The following GFAP variants were observed in gnomAD, a reference collection of about 807,000 sequenced individuals.
GFAP encodes intermediate filament protein.
Under a neutral mutation model 49.3 loss-of-function variants are expected in GFAP, and 38 were observed. That is an observed-to-expected ratio of 0.77 (90% CI 0.60 to 1.01). The LOEUF (loss-of-function observed/expected upper bound fraction) is 1.01. GFAP is among the 50% of genes least tolerant of loss of function. GFAP has a pLI of 0.00. For missense variants in GFAP, 463 were observed against 579.1 expected, an observed-to-expected ratio of 0.80 and a Z score of 2.06; for synonymous variants, 222 against 236.4, an observed-to-expected ratio of 0.94 and a Z score of 0.56.
In GFAP at chr17:44,913,296, A is replaced by T; in HGVS notation, c.753T>A (p.His251Gln). Residue 251 changes from histidine (H) to glutamine (Q), a missense_variant, in exon 4 of 9, where the codon CAT becomes CAA. Around this residue, in one of 3 missense-constraint regions of GFAP, gnomAD observed 362 missense variants for 445.5 expected, o/e 0.81. Transcript: ENST00000588735. ...TGGAGCGGTACCACTCTTCGGCTTC[A>T]TGCATGTTGCTGGACGCCATTGCCT... is the stretch of plus-strand genomic sequence containing the variant. ...QYEAMASSNMHEAEEWYRSKF... is the reference protein window; with the variant it reads ...QYEAMASSNMQEAEEWYRSKF... 6.2e-7 allele frequency: 1 copy of T among 1,614,196 alleles called. No homozygotes were observed. The highest frequency in any genetic ancestry group is 8.5e-7 in the Non-Finnish European group (1 of 1,180,024).
rs764267260 is a variant in GFAP, at chr17:44,904,848, G to C, written c.*2499C>G. ...ATCCGCTTCACCCAGCTGGATGACC[G>C]GGGCATCTACTATTGCTGGAGGCAG... On this transcript the variant is annotated 3_prime_UTR_variant, in exon 9 of 9. Transcript: ENST00000588735. 67 of 1,550,622 alleles carry C rather than the reference G, an allele frequency of 4.3e-5. 1 individual carries two copies. The South Asian group carries it at 7.9e-4, about 18-fold the overall frequency.
At chr17:44,913,225 A>T (rs773660530) in intron 4 of GFAP, 44 bp downstream of exon 4, 7 of 1,588,454 alleles carry the variant, frequency 4.4e-6, no homozygotes, top group Non-Finnish European at 6.0e-6. Context: ...ACAGAGCAAG[A>T]AGGGCTGCCT....
In GFAP at chr17:44,904,810, C is replaced by A. The variant is rs1327267257; in HGVS notation, c.*2537G>T. 1.3e-6 allele frequency: 2 copies of A among 1,550,572 alleles called. No individual in the cohort carries two copies. The highest frequency in any genetic ancestry group is 1.7e-6 in the Non-Finnish European group (2 of 1,147,004). ...CCATGAGGGTGTTCATTGACCACGG[C>A]AACCAGCTCCACATCCGCTTCACCC... On this transcript the variant is annotated 3_prime_UTR_variant, in exon 9 of 9. Transcript: ENST00000588735.
Position 44,904,237 on chromosome 17 carries a change from C to T in GFAP, c.*3110G>A, listed in dbSNP as rs910951664. 26 of 1,550,562 alleles carry T rather than the reference C, an allele frequency of 1.7e-5. No homozygotes were observed. In the Admixed American group the frequency reaches 2.2e-4, roughly 13 times the overall value. ...GCAAGGGGGACTACTTTTACGCCTA[C>T]GATGTGGACATCCAGAACAGTGAGG... On this transcript the variant is annotated 3_prime_UTR_variant, in exon 9 of 9. Coordinates refer to ENST00000588735, the MANE Select transcript of GFAP (RefSeq NM_002055.5).
At position 44,915,420 on chromosome 17, in the gene GFAP, C is replaced by G; in HGVS notation, c.67G>C (p.Gly23Arg). ...SYVSSGEMMVGGLAPGRRLGP... is the reference protein window; with the variant it reads ...SYVSSGEMMVRGLAPGRRLGP... ...AGACGGCGGCCAGGAGCCAGGCCCC[C>G]CACCATCATCTCCCCTGAGGAGACG... The change falls in exon 1 of 9, where the codon GGG becomes CGG. Residue 23 changes from glycine to arginine, a missense_variant. By Grantham distance (125) the Gly-to-Arg change is moderately radical (BLOSUM62 -2). Around this residue, in one of 3 missense-constraint regions of GFAP, gnomAD observed 89 missense variants for 87.5 expected, o/e 1.02. Transcript: ENST00000588735. The surrounding 1 kb of genome is among the most constrained non-coding windows in gnomAD (Gnocchi z 4.1). 1 of 1,608,278 alleles carries G rather than the reference C, an allele frequency of 6.2e-7. No homozygotes were observed. Among genetic ancestry groups the G allele is most frequent in the Non-Finnish European group, 8.5e-7 (1 of 1,176,972 alleles).
At position 44,915,410 on chromosome 17, in the gene GFAP, G is replaced by A. The variant is rs139837765; in HGVS notation, c.77C>T (p.Ala26Val). Reference protein sequence around the residue: ...SSGEMMVGGLAPGRRLGPGTR... With the variant: ...SSGEMMVGGLVPGRRLGPGTR... ...GCCAGGACCCAGACGGCGGCCAGGA[G>A]CCAGGCCCCCCACCATCATCTCCCC... The change falls in exon 1 of 9, where the codon GCT (alanine) becomes GTT (valine). Residue 26 changes from alanine to valine, a missense_variant. Physicochemically the swap from Ala to Val is moderately conservative, Grantham distance 64. Around this residue, in one of 3 missense-constraint regions of GFAP, gnomAD observed 89 missense variants for 87.5 expected, o/e 1.02. Coordinates refer to ENST00000588735, the MANE Select transcript of GFAP (RefSeq NM_002055.5). This position sits in a 1 kb window ranked among gnomAD's most constrained non-coding sequence, Gnocchi z 4.1. 5.5e-5 allele frequency: 89 copies of A among 1,607,308 alleles called. No individual in the cohort carries two copies. The Middle Eastern group carries it at 1.5e-3, about 28-fold the overall frequency.
At position 44,903,521 on chromosome 17, in the gene GFAP, C is replaced by G. The variant is rs1232057496; in HGVS notation, c.*3826G>C. 1 of 1,285,782 alleles carries G rather than the reference C, an allele frequency of 7.8e-7. No homozygotes were observed. Among genetic ancestry groups the G allele is most frequent in the East Asian group, 2.9e-5 (1 of 33,978 alleles). The allele number at this position is 1,285,782 out of a possible 1,614,324, so 79.6% of individuals were successfully genotyped here. ...GCACCTCGGCCCGCCCTTCTCATTC[C>G]GGTTTCCTTTGACCCATTCTTGGGT... On this transcript the variant is annotated 3_prime_UTR_variant, in exon 9 of 9. Coordinates refer to ENST00000588735, the MANE Select transcript of GFAP (RefSeq NM_002055.5).
In GFAP at chr17:44,905,894, G is replaced by T. The variant is rs2051645894; in HGVS notation, c.*1453C>A. On this transcript the variant is annotated 3_prime_UTR_variant, in exon 9 of 9. Transcript: ENST00000588735. ...GTCAAAGCAGAGTGGGTGCACTGGGGTGGACGTGTCAGCCCTGAGCACCCG... is the reference window on the plus strand; with the variant it reads ...GTCAAAGCAGAGTGGGTGCACTGGGTTGGACGTGTCAGCCCTGAGCACCCG... 1 of 152,336 alleles carries T rather than the reference G, an allele frequency of 6.6e-6. No individual in the cohort carries two copies. 9.4% of individuals were successfully genotyped at this position (152,336 alleles called of 1,614,324 possible).
chr17:44,908,191 G>C, intron 7 of GFAP, 42 bp from the exon 8 acceptor site: 1 of 1,370,384 alleles, frequency 7.3e-7, no homozygotes, highest in Non-Finnish European at 1.0e-6. Context: ...GACTTTCAGG[G>C]CATGAGCCAT....
chr17:44,906,313 C>T lies in GFAP; in HGVS notation c.*1034G>A, dbSNP rs2051651708. 6.6e-6 allele frequency: 1 copy of T among 152,378 alleles called. No individual in the cohort carries two copies. Among genetic ancestry groups the T allele is most frequent in the Admixed American group, 6.5e-5 (1 of 15,292 alleles). 9.4% of individuals were successfully genotyped at this position (152,378 alleles called of 1,614,324 possible). ...CCCACAATCCAGAGGCCAAGTGCAA[C>T]TGGTCACCCACAACCCCTACTTGTA... On this transcript the variant is annotated 3_prime_UTR_variant, in exon 9 of 9. Transcript: ENST00000588735.
chr17:44,911,388 C>T lies in GFAP; in HGVS notation c.975G>A (p.Gln325=). The T allele has an allele frequency of 1.9e-6, 3 of 1,614,032 alleles. No homozygotes were observed. Among genetic ancestry groups the T allele is most frequent in the East Asian group, 2.2e-5 (1 of 44,882 alleles). The change falls in exon 6 of 9, where the codon CAG becomes CAA. Residue 325 remains glutamine (Q), a synonymous_variant. Coordinates refer to ENST00000588735, the MANE Select transcript of GFAP (RefSeq NM_002055.5). ...ERHVREAASY[Q]EALARLEEEG... ...CTTCCTCCAGCCGCGCCAGCGCCTC[C>T]TGATAACTGGCCGCCTCCCGCACGT...
At chr17:44,911,550 CG>C in intron 5 of GFAP, 94 bp from the exon 6 acceptor site, 1 of 1,561,102 alleles carries the variant, frequency 6.4e-7, no homozygotes. Flanking sequence ...GCCTCTAGCC[CG>C]GGGGTAACGT....
chr17:44,909,015 T>A (rs978541712), intron 7 of GFAP: 1 of 151,456 alleles, frequency 6.6e-6, no homozygotes, highest in African/African-American at 2.4e-5. Context: ...GCACGAGAAT[T>A]GCTTGAACCT....
At position 44,904,445 on chromosome 17, in the gene GFAP, A is replaced by G; in HGVS notation, c.*2902T>C. On this transcript the variant is annotated 3_prime_UTR_variant, in exon 9 of 9. Coordinates refer to ENST00000588735, the MANE Select transcript of GFAP (RefSeq NM_002055.5). ...CCCAGACCTCTCCCCACGCTACCTC[A>G]AGGCCGTGCCCGATGTGGTGTCTTG... is the stretch of plus-strand genomic sequence containing the variant. 3 of 1,542,718 alleles carry G rather than the reference A, an allele frequency of 1.9e-6. No homozygotes were observed. Among genetic ancestry groups the G allele is most frequent in the Middle Eastern group, 1.7e-4 (1 of 5,964 alleles).
chr17:44,913,774 T>C lies in GFAP; in HGVS notation c.572A>G (p.Glu191Gly). The stretch of plus-strand genomic sequence containing the variant: ...GAACCGGATCTCCTCCTCCAGCGAC[T>C]CAATCTTCCTCTCCAGATCCAGACG... ...LARLDLERKI[E>G]SLEEEIRFLR... Residue 191 changes from glutamate (E) to glycine (G), a missense_variant, in exon 3 of 9, where the codon GAG becomes GGG. Physicochemically the swap from Glu to Gly is moderately conservative, Grantham distance 98 (BLOSUM62 -2). Around this residue, in one of 3 missense-constraint regions of GFAP, gnomAD observed 362 missense variants for 445.5 expected, o/e 0.81. Coordinates refer to ENST00000588735, the MANE Select transcript of GFAP (RefSeq NM_002055.5). The C allele has an allele frequency of 6.2e-7, 1 of 1,614,140 alleles. No homozygotes were observed. Among genetic ancestry groups the C allele is most frequent in the Non-Finnish European group, 8.5e-7 (1 of 1,180,012 alleles).
Position 44,911,679 on chromosome 17 carries a change from C to T in GFAP, c.899G>A (p.Arg300His), listed in dbSNP as rs1380208981. The T allele has an allele frequency of 6.2e-7, 1 of 1,612,934 alleles. No individual in the cohort carries two copies. The highest frequency in any genetic ancestry group is 1.3e-5 in the African/African-American group (1 of 74,942). Residue 300 changes from arginine to histidine, a missense_variant, in exon 5 of 9, where the codon CGC becomes CAC. Physicochemically the swap from Arg to His is conservative, Grantham distance 29. This residue lies in a region of GFAP where 362 missense variants were observed against 445.5 expected (regional missense o/e 0.81). Transcript: ENST00000588735. ...QSLTCDLESLRGTNESLERQM... is the reference protein window; with the variant it reads ...QSLTCDLESLHGTNESLERQM... Reference sequence around the variant, plus strand: ...TGCCCTGGCCGCGCTCACCGTGCCGCGCAGAGACTCCAGGTCGCAGGTCAA... The same window carrying T: ...TGCCCTGGCCGCGCTCACCGTGCCGTGCAGAGACTCCAGGTCGCAGGTCAA...
At chr17:44,908,382 T>G in intron 7 of GFAP, 1 of 478,558 alleles carries the variant, frequency 2.1e-6, no homozygotes, top group Non-Finnish European at 3.7e-6. Context: ...TTTCAGCCCC[T>G]CTGCAAGCCC....
At chr17:44,910,742 C>A in intron 6 of GFAP, 84 bp from the exon 7 acceptor site, 1 of 1,537,084 alleles carries the variant, frequency 6.5e-7, no homozygotes, top group Non-Finnish European at 8.8e-7. Context: ...ATCATGACAA[C>A]TTGAACGCCC....
At chr17:44,911,590 G>GCCCC (rs2051769000) in intron 5 of GFAP, 82 bp downstream of exon 5, 1 of 1,586,444 alleles carries the variant, frequency 6.3e-7, no homozygotes, top group Non-Finnish European at 8.6e-7. Flanking sequence ...CCAGGTCCTC[G>GCCCC]TCCCTGGCCC....
Sources: allele counts gnomAD v4.1 joint callset, GRCh38; gene constraint gnomAD v4.1.1; regional missense constraint gnomAD v4.1.1; non-coding constraint Gnocchi (gnomAD v3.1); transcripts MANE v1.5; gene names NCBI Gene and HGNC (gene_info 2026-07-23, HGNC 2026-07-21).